The following DMD variants were observed in gnomAD, a reference collection of about 807,000 sequenced individuals.
The protein encoded by DMD is mutant dystrophin.
A neutral mutation model predicts 330.1 loss-of-function variants in DMD; 63 were observed. That is an observed-to-expected ratio of 0.19 (90% CI 0.16 to 0.24). The LOEUF is 0.24. Ranked by LOEUF, DMD falls within the 10% of genes least tolerant of loss-of-function variation. The probability of loss-of-function intolerance (pLI) is 1.00; values close to 1 mark genes in which losing one functional copy is unlikely to be tolerated. For synonymous variants in DMD, 1,223 were observed against 959.8 expected, an observed-to-expected ratio of 1.27 and a Z score of -5.07; for missense variants, 3,344 against 2,684.1, an observed-to-expected ratio of 1.25 and a Z score of -5.43.
At chrX:31,757,882 C>T (rs2089254646) in intron 51 of DMD, among the ~76,000 whole-genome samples, 3 of 111,010 alleles carry the variant, frequency 2.7e-5, no homozygotes. Context: ...CAGTGCATGA[C>T]TTGACACGGG....
chrX:32,689,084 T>A (rs2063087806), intron 9 of DMD, among the ~76,000 whole-genome samples: 1 of 111,423 alleles, frequency 9.0e-6, no homozygotes, highest in South Asian at 3.7e-4. Flanking sequence ...ACATATTTCC[T>A]AAATGCAGAC....
At chrX:32,636,947 G>T (rs996864730) in intron 11 of DMD, among the ~76,000 whole-genome samples, 1 of 109,657 alleles carries the variant, frequency 9.1e-6, no homozygotes, top group Non-Finnish European at 1.9e-5. Context: ...GCAGTGAGCC[G>T]AGATAGCGCC....
intron 47 of DMD, among the ~76,000 whole-genome samples, chrX:31,875,744 G>A (rs897144679): frequency 5.4e-5 from 6 of 111,955 alleles, no homozygotes; most frequent in South Asian, 7.3e-4. Flanking sequence ...TATGCCATAC[G>A]CGCTTCCTTT....
intron 44 of DMD, among the ~76,000 whole-genome samples, chrX:32,091,432 T>C (rs893349636): frequency 1.1e-4 from 12 of 111,627 alleles, no homozygotes; most frequent in African/African-American, 3.9e-4. Flanking sequence ...AAGCTCAACA[T>C]CAATAAATAA....
intron 13 of DMD, among the ~76,000 whole-genome samples, chrX:32,578,568 T>C (rs1362211522): frequency 8.9e-6 from 1 of 112,054 alleles, no homozygotes; most frequent in Non-Finnish European, 1.9e-5. Context: ...TTCCTTTGTT[T>C]GGTTGAGTTG....
intron 1 of DMD, among the ~76,000 whole-genome samples, chrX:33,288,057 T>C (rs1300603380): frequency 8.9e-6 from 1 of 111,797 alleles, no homozygotes. Context: ...CCACTGATGA[T>C]GATGTGGCCT....
At chrX:31,832,114 G>A (rs983521454) in intron 49 of DMD, among the ~76,000 whole-genome samples, 7 of 111,698 alleles carry the variant, frequency 6.3e-5, no homozygotes, top group African/African-American at 2.3e-4. Flanking sequence ...ATTGATTTCT[G>A]TTGCTACAAG....
At chrX:31,254,948 G>A (rs1214101223) in intron 63 of DMD, among the ~76,000 whole-genome samples, 2 of 107,903 alleles carry the variant, frequency 1.9e-5, no homozygotes, top group Non-Finnish European at 1.9e-5. Flanking sequence ...GGAAGGCTGA[G>A]GTGGGAGGGT....
chrX:32,093,343 T>C (rs2096487569), intron 44 of DMD, among the ~76,000 whole-genome samples: 1 of 112,170 alleles, frequency 8.9e-6, no homozygotes, highest in Non-Finnish European at 1.9e-5. Context: ...TCTTCAAAGA[T>C]ACTGATTTCC....
At chrX:32,887,868 G>A (rs2084821356) in intron 2 of DMD, among the ~76,000 whole-genome samples, 1 of 105,939 alleles carries the variant, frequency 9.4e-6, no homozygotes, top group South Asian at 4.3e-4. Context: ...ATAGACAAAT[G>A]AAGTTGCATC....
At chrX:31,478,931 G>A (rs1196883483) in intron 58 of DMD, 52 bp downstream of exon 58, 14 of 1,187,124 alleles carry the variant, frequency 1.2e-5, no homozygotes, top group South Asian at 9.0e-5. Flanking sequence ...GGGCTGCTCC[G>A]TCACCACTGA....
chrX:33,148,377 G>A (rs1399944431), intron 1 of DMD, among the ~76,000 whole-genome samples: 1 of 112,006 alleles, frequency 8.9e-6, no homozygotes, highest in East Asian at 2.8e-4. Flanking sequence ...TCCAGCACTT[G>A]ACTGCCCATA....
At chrX:32,456,578 TTGTGTGTG>T (rs60876331) in intron 25 of DMD, among the ~76,000 whole-genome samples, 2,566 of 89,454 alleles carry the variant, frequency 0.029, 62 homozygotes, top group African/African-American at 0.076. Context: ...CATACATACT[TTGTGTGTG>T]TGTGTGTGTG....
intron 2 of DMD, among the ~76,000 whole-genome samples, chrX:32,886,327 A>AAAT (rs904234254): frequency 9.1e-5 from 10 of 109,872 alleles, no homozygotes; most frequent in African/African-American, 3.0e-4. Flanking sequence ...AACTGGTAAA[A>AAAT]AATAATAATA....
intron 55 of DMD, among the ~76,000 whole-genome samples, chrX:31,588,589 C>T (rs1603409363): frequency 9.0e-6 from 1 of 111,338 alleles, no homozygotes; most frequent in African/African-American, 3.3e-5. Context: ...GCCTGCTGAC[C>T]GACTCTGGAA....
At chrX:32,695,701 A>G (rs765055550) in intron 9 of DMD, among the ~76,000 whole-genome samples, 1 of 112,051 alleles carries the variant, frequency 8.9e-6, no homozygotes, top group African/African-American at 3.2e-5. Flanking sequence ...AGTGGTGAAG[A>G]CAGAGATACA....
intron 44 of DMD, among the ~76,000 whole-genome samples, chrX:32,125,568 T>G (rs1429581898): frequency 8.9e-6 from 1 of 111,802 alleles, no homozygotes; most frequent in Non-Finnish European, 1.9e-5. Flanking sequence ...GGGCTGGAGA[T>G]GTAAATATTA....
At chrX:31,208,504 C>T (rs900101479) in intron 65 of DMD, among the ~76,000 whole-genome samples, 17 of 111,608 alleles carry the variant, frequency 1.5e-4, no homozygotes, top group African/African-American at 4.9e-4. Context: ...CTAATGTGAA[C>T]GTAGTTCACA....
intron 74 of DMD, among the ~76,000 whole-genome samples, chrX:31,150,751 G>T (rs746408285): frequency 8.9e-6 from 1 of 112,062 alleles, no homozygotes; most frequent in African/African-American, 3.2e-5. Flanking sequence ...TTCCACAGGG[G>T]ACGGCATGTC....
Sources: gnomAD v4.1 joint callset for allele counts (sites outside exome capture counted in the v4.1 genomes callset) on GRCh38, gnomAD v4.1.1 for gene constraint, MANE v1.5 for transcripts, NCBI Gene and HGNC (gene_info 2026-07-23, HGNC 2026-07-21) for gene names.